The following NF1 variants were observed in gnomAD, a reference collection of about 807,000 sequenced individuals.
The protein encoded by NF1 is neurofibromin 1.
In NF1, 122 loss-of-function variants were observed where a neutral mutation model predicts 325.7. That is an observed-to-expected ratio of 0.37 (90% confidence interval 0.32 to 0.44). The LOEUF (loss-of-function observed/expected upper bound fraction) is 0.44. Ranked by LOEUF, NF1 falls within the 20% of genes least tolerant of loss-of-function variation. The pLI is 1.00. For synonymous variants in NF1, 1,091 were observed against 1,186.0 expected, an observed-to-expected ratio of 0.92 and a Z score of 1.65; for missense variants, 2,140 against 3,415.4, an observed-to-expected ratio of 0.63 and a Z score of 9.31.
At chr17:31,174,454 C>G (rs1479383079) in intron 5 of NF1, among the ~76,000 whole-genome samples, 1 of 152,100 alleles carries the variant, frequency 6.6e-6, no homozygotes, top group Non-Finnish European at 1.5e-5. Flanking sequence ...CTGGACACTT[C>G]TAGAGATTCC....
At chr17:31,215,933 G>A (rs1406866291) in intron 13 of NF1, among the ~76,000 whole-genome samples, 5 of 152,146 alleles carry the variant, frequency 3.3e-5, no homozygotes, top group Non-Finnish European at 4.4e-5. Context: ...TTTTCTTGGA[G>A]AGTGGAGAGG....
chr17:31,361,677 A>G (rs1039933075), intron 57 of NF1: 1 of 152,072 alleles, frequency 6.6e-6, no homozygotes, highest in Non-Finnish European at 1.5e-5. Context: ...GCATAAATTT[A>G]AAAAAAATCC....
In NF1 at chr17:31,095,153, A is replaced by C; in HGVS notation, c.-157A>C. The C allele has an allele frequency of 9.6e-6, 3 of 313,544 alleles. No individual in the cohort carries two copies. The highest frequency in any genetic ancestry group is 1.2e-5 in the Non-Finnish European group (2 of 162,558). 19.4% of individuals were successfully genotyped at this position (313,544 alleles called of 1,614,324 possible). On this transcript the variant is annotated 5_prime_UTR_variant, in exon 1 of 58. Transcript: ENST00000358273. ...CCTCTCCCCCTCCCGCTCGGCGCTGACCCCCCATCCCCACCCCCGTGGGAA... is the reference window on the plus strand; with the variant it reads ...CCTCTCCCCCTCCCGCTCGGCGCTGCCCCCCCATCCCCACCCCCGTGGGAA...
intron 36 of NF1, among the ~76,000 whole-genome samples, chr17:31,271,606 C>T (rs1053812792): frequency 3.3e-5 from 5 of 151,868 alleles, no homozygotes; most frequent in South Asian, 2.1e-4. Context: ...AAAAATTAAT[C>T]GAGCGTGGTG....
intron 13 of NF1, among the ~76,000 whole-genome samples, chr17:31,216,234 C>A (rs2066817373): frequency 6.6e-6 from 1 of 152,180 alleles, no homozygotes; most frequent in African/African-American, 2.4e-5. Context: ...AAAGCAGGCA[C>A]CAAACTCACC....
chr17:31,182,878 A>G, intron 8 of NF1: 3 of 608,604 alleles, frequency 4.9e-6, no homozygotes, highest in Non-Finnish European at 8.7e-6. Context: ...GCAATGAACA[A>G]AGATTTAAAA....
chr17:31,332,023 T>C (rs2069510140), intron 39 of NF1: 1 of 141,210 alleles, frequency 7.1e-6, no homozygotes, highest in African/African-American at 2.7e-5. Context: ...TAAGGACATA[T>C]GAAGTAAAAA....
chr17:31,095,164 C>G lies in NF1; in HGVS notation c.-146C>G, dbSNP rs1214755879. ...CCCGCTCGGCGCTGACCCCCCATCC[C>G]CACCCCCGTGGGAACACTGGGAGCC... On this transcript the variant is annotated 5_prime_UTR_variant, in exon 1 of 58. Coordinates refer to ENST00000358273, the MANE Select transcript of NF1 (RefSeq NM_001042492.3). The G allele has an allele frequency of 8.7e-6, 6 of 693,528 alleles. No individual in the cohort carries two copies. Among genetic ancestry groups the G allele is most frequent in the Non-Finnish European group, 1.5e-5 (6 of 391,976 alleles). 43.0% of individuals were successfully genotyped at this position (693,528 alleles called of 1,614,324 possible).
chr17:31,294,015 G>A (rs994889694), intron 36 of NF1, among the ~76,000 whole-genome samples: 5 of 152,124 alleles, frequency 3.3e-5, no homozygotes, highest in African/African-American at 9.7e-5. Context: ...TCACCACCTG[G>A]TTGTAGTACC....
chr17:31,134,044 T>C (rs62068820), intron 1 of NF1, among the ~76,000 whole-genome samples: 30,119 of 152,104 alleles, frequency 0.2, 3,691 homozygotes, highest in South Asian at 0.4. Flanking sequence ...TAGAGGTTTT[T>C]GCTCTGTCAT....
chr17:31,377,082 A>C lies in NF1; in HGVS notation c.*2927A>C, dbSNP rs1372854828. On this transcript the variant is annotated 3_prime_UTR_variant, in exon 58 of 58. Transcript: ENST00000358273. ...TTTTGTTTTTTGTTTTTGTTTCTAC[A>C]TCCTTCCCCGACTCCCAGGCATAAT... 1 of 233,480 alleles carries C rather than the reference A, an allele frequency of 4.3e-6. No individual in the cohort carries two copies. The highest frequency in any genetic ancestry group is 8.5e-6 in the Non-Finnish European group (1 of 118,054). 14.5% of individuals were successfully genotyped at this position (233,480 alleles called of 1,614,324 possible). A position where few individuals can be genotyped will look rare whatever the true frequency, so the allele number is the denominator to read the frequency against.
rs1024333224 is a variant in NF1 at position 31,336,809 on chromosome 17, A to T, written c.6322A>T (p.Thr2108Ser). 2 of 1,613,892 alleles carry T rather than the reference A, an allele frequency of 1.2e-6. No homozygotes were observed. The highest frequency in any genetic ancestry group is 1.3e-5 in the African/African-American group (1 of 74,880). ...AHLPYLFHVV[T>S]FLVATGPLSL... ...TCTTCCCTACCTCTTCCACGTTGTTACTTTCTTAGTAGCCACAGGTCCGCT... is the reference window on the plus strand; with the variant it reads ...TCTTCCCTACCTCTTCCACGTTGTTTCTTTCTTAGTAGCCACAGGTCCGCT... Residue 2108 changes from threonine to serine, a missense_variant, in exon 42 of 58, where the codon ACT becomes TCT. This residue lies in a region of NF1 where 180 missense variants were observed against 435.1 expected (regional missense o/e 0.41). Transcript: ENST00000358273. The surrounding 1 kb of genome is among the most constrained non-coding windows in gnomAD (Gnocchi z 5.5).
chr17:31,182,802 G>T, intron 8 of NF1, 137 bp downstream of exon 8: 12 of 858,680 alleles, frequency 1.4e-5, no homozygotes, highest in Non-Finnish European at 2.0e-5. Context: ...AGGTTTCTTT[G>T]TTTGATGGAC....
rs1174707105 is a variant in NF1, at chr17:31,372,846, T to C, written c.8378-1167T>C. On this transcript the variant is annotated intron_variant, in intron 57 of 57. Coordinates refer to ENST00000358273, the MANE Select transcript of NF1 (RefSeq NM_001042492.3). ...GCCTTGGCAACATAGTGAGACTCTA[T>C]CTCTAGACAGAATTTTAAAATTAGC... 2.0e-5 allele frequency among the ~76,000 whole-genome samples: 3 copies of C among 152,152 alleles called. No individual in the cohort carries two copies. The East Asian group carries it at 5.8e-4, about 29-fold the overall frequency.
chr17:31,289,221 G>A (rs554984709), intron 36 of NF1, among the ~76,000 whole-genome samples: 34 of 152,328 alleles, frequency 2.2e-4, no homozygotes, highest in African/African-American at 7.9e-4. Context: ...CTAAGGGACA[G>A]AGGATATTTT....
chr17:31,221,185 A>G (rs1247061088), intron 14 of NF1, among the ~76,000 whole-genome samples: 19 of 151,898 alleles, frequency 1.3e-4, no homozygotes, highest in Non-Finnish European at 2.2e-4. Flanking sequence ...TGTTTTTTTT[A>G]TATCTTTGAT....
rs876659418 is a variant in NF1, at chr17:31,163,270, C to T, written c.373C>T (p.Arg125Cys). 9.3e-6 allele frequency: 15 copies of T among 1,614,100 alleles called. No homozygotes were observed. Among genetic ancestry groups the T allele is most frequent in the African/African-American group, 1.3e-5 (1 of 75,048 alleles). The change falls in exon 4 of 58, where the codon CGT (arginine) becomes TGT (cysteine). Residue 125 changes from arginine to cysteine, a missense_variant. Coordinates refer to ENST00000358273, the MANE Select transcript of NF1 (RefSeq NM_001042492.3). ...PEICHFLHTCREGNQHAAELR... is the reference protein window; with the variant it reads ...PEICHFLHTCCEGNQHAAELR... The stretch of plus-strand genomic sequence containing the variant: ...AATCTGCCATTTTCTTCACACCTGT[C>T]GTGAAGGAAACCAGCATGCAGCTGA...
rs2151601706 is a variant in NF1 at position 31,374,163 on chromosome 17, T to A, written c.*8T>A. ...ATTAAGAAGATCGTGTGAAGCTTGC[T>A]TGCTTTCTTTTTTAAAATCAACTTA... On this transcript the variant is annotated 3_prime_UTR_variant, in exon 58 of 58. Transcript: ENST00000358273. 2 of 1,613,994 alleles carry A rather than the reference T, an allele frequency of 1.2e-6. No individual in the cohort carries two copies. Among genetic ancestry groups the A allele is most frequent in the Non-Finnish European group, 1.7e-6 (2 of 1,179,914 alleles).
intron 36 of NF1, chr17:31,321,511 T>A (rs1356114143): frequency 6.6e-6 from 1 of 152,168 alleles, no homozygotes; most frequent in Non-Finnish European, 1.5e-5. Context: ...AAATGCTTGG[T>A]CAAAATCTGA....
Sources: gnomAD v4.1 joint callset for allele counts (sites outside exome capture counted in the v4.1 genomes callset) on GRCh38, gnomAD v4.1.1 for gene constraint, gnomAD v4.1.1 regional missense constraint, Gnocchi (gnomAD v3.1) non-coding constraint, MANE v1.5 for transcripts, NCBI Gene and HGNC (gene_info 2026-07-23, HGNC 2026-07-21) for gene names.